The following SLC13A1 variants were observed in gnomAD, a reference collection of about 807,000 sequenced individuals.
SLC13A1 encodes the protein solute carrier family 13 member 1, also known as Na(+)/sulfate cotransporter.
Under a neutral mutation model 70.0 loss-of-function variants are expected in SLC13A1, and 65 were observed. The observed-to-expected ratio is 0.93, with a 90% confidence interval of 0.76 to 1.14. The LOEUF is 1.14. Ranked by LOEUF, SLC13A1 falls within the 50% of genes most tolerant of loss-of-function variation. The pLI is 0.00. For synonymous variants in SLC13A1, 275 were observed against 250.5 expected (o/e 1.10, Z -0.92); for missense variants, 726 against 717.8 (o/e 1.01, Z -0.13).
chr7:123,190,425 C>T (rs1221369414), intron 1 of SLC13A1: 2 of 356,544 alleles, frequency 5.6e-6, no homozygotes, highest in East Asian at 7.7e-5. Flanking sequence ...ATTGTTTAAA[C>T]TCCCTTTATG....
chr7:123,184,639 C>T (rs1383280941), intron 1 of SLC13A1, among the ~76,000 whole-genome samples: 2 of 151,684 alleles, frequency 1.3e-5, no homozygotes, highest in African/African-American at 4.8e-5. Flanking sequence ...CTCTCTCTCT[C>T]CATGTGTGTG....
chr7:123,184,474 T>G (rs540269284), intron 1 of SLC13A1, among the ~76,000 whole-genome samples: 1 of 152,250 alleles, frequency 6.6e-6, no homozygotes, highest in East Asian at 1.9e-4. Context: ...TGAGATCAAC[T>G]TTTTTAGATT....
chr7:123,146,637 C>T (rs1466184380), intron 7 of SLC13A1, among the ~76,000 whole-genome samples: 4 of 152,198 alleles, frequency 2.6e-5, no homozygotes, highest in Non-Finnish European at 2.9e-5. Flanking sequence ...GAATTGTCAT[C>T]ACAGTTCCAA....
At chr7:123,122,273 A>C (rs936665535) in intron 12 of SLC13A1, among the ~76,000 whole-genome samples, 1 of 152,172 alleles carries the variant, frequency 6.6e-6, no homozygotes, top group African/African-American at 2.4e-5. Flanking sequence ...AACCTCCTGG[A>C]AGCCAAAGGG....
intron 2 of SLC13A1, among the ~76,000 whole-genome samples, chr7:123,180,468 T>A (rs1341859346): frequency 1.3e-5 from 2 of 152,106 alleles, no homozygotes; most frequent in African/African-American, 4.8e-5. Context: ...TCTTAGATTG[T>A]ATAGAACAAA....
At chr7:123,169,531 A>G (rs1795194552) in intron 3 of SLC13A1, among the ~76,000 whole-genome samples, 196 bp from the exon 4 acceptor site, 1 of 152,208 alleles carries the variant, frequency 6.6e-6, no homozygotes, top group Non-Finnish European at 1.5e-5. Context: ...CCATATATGT[A>G]AAAGTGGAGT....
chr7:123,127,674 T>C (rs1290085473), intron 10 of SLC13A1, among the ~76,000 whole-genome samples: 1 of 151,976 alleles, frequency 6.6e-6, no homozygotes, highest in Non-Finnish European at 1.5e-5. Flanking sequence ...CCATATTGAC[T>C]TGTGTGGTCA....
chr7:123,197,635 T>A (rs1486895313), intron 1 of SLC13A1, among the ~76,000 whole-genome samples: 4 of 152,120 alleles, frequency 2.6e-5, no homozygotes, highest in African/African-American at 9.7e-5. Context: ...ATACTAGGAA[T>A]AAATCCTCCA....
rs1309978185 is a variant in SLC13A1, at chr7:123,173,968, CTGTT to C, written c.229-2068_229-2065del. 4.6e-3 allele frequency among the ~76,000 whole-genome samples: 543 copies of C among 118,332 alleles called. 4 individuals are homozygous for C. The highest frequency in any genetic ancestry group is 0.014 in the African/African-American group (496 of 36,290). The allele number at this position is 118,332 out of a possible 152,430, so 77.6% of individuals were successfully genotyped here. A position where few individuals can be genotyped will look rare whatever the true frequency, so the allele number is the denominator to read the frequency against. The stretch of plus-strand genomic sequence containing the variant: ...TGCCAGTGCTTCCAGAGTCGGGAAG[CTGTT>C]TTTTTTTTTTTTTTCTCCCTGGTTC... On this transcript the variant is annotated intron_variant, in intron 2 of 14. Transcript: ENST00000194130.
intron 12 of SLC13A1, among the ~76,000 whole-genome samples, chr7:123,120,219 T>TTTAATCTAC (rs1406316771): frequency 2.0e-5 from 3 of 152,106 alleles, no homozygotes; most frequent in Non-Finnish European, 2.9e-5. Flanking sequence ...GGAATCATTT[T>TTTAATCTAC]TTAATCTACT....
intron 1 of SLC13A1, among the ~76,000 whole-genome samples, chr7:123,196,751 T>C (rs1485969763): frequency 1.3e-5 from 2 of 152,124 alleles, no homozygotes; most frequent in Non-Finnish European, 2.9e-5. Context: ...ACTCTTCTGT[T>C]TGGCCTGTCT....
intron 6 of SLC13A1, 38 bp from the exon 7 acceptor site, chr7:123,147,348 T>C (rs778571530): frequency 1.2e-6 from 2 of 1,604,436 alleles, no homozygotes; most frequent in Non-Finnish European, 1.7e-6. Context: ...TGAGAACTGC[T>C]CTATATTTGT....
intron 2 of SLC13A1, among the ~76,000 whole-genome samples, chr7:123,176,575 A>T (rs928658494): frequency 9.2e-5 from 14 of 152,308 alleles, no homozygotes; most frequent in African/African-American, 3.1e-4. Context: ...AGTTGTAAAA[A>T]TTAAATATTA....
In SLC13A1 at chr7:123,172,034, A is replaced by ATGTAGATG. The variant is rs1391189314; in HGVS notation, c.229-138_229-131dup. On this transcript the variant is annotated intron_variant, in intron 2 of 14. Coordinates refer to ENST00000194130, the MANE Select transcript of SLC13A1 (RefSeq NM_022444.4). ...TAATCTTTCCATTTTGTTGAGAAAA[A>ATGTAGATG]TGTAGATGTGTTTGAATACAAATTT... is the stretch of plus-strand genomic sequence containing the variant. The ATGTAGATG allele has an allele frequency of 1.1e-5, 9 of 802,270 alleles. No homozygotes were observed. In the East Asian group the frequency reaches 2.4e-4, roughly 22 times the overall value. 49.7% of individuals were successfully genotyped at this position (802,270 alleles called of 1,614,324 possible). A position where few individuals can be genotyped will look rare whatever the true frequency, so the allele number is the denominator to read the frequency against.
At chr7:123,134,275 T>C (rs1403883143) in intron 8 of SLC13A1, 135 bp downstream of exon 8, 5 of 650,584 alleles carry the variant, frequency 7.7e-6, no homozygotes, top group Non-Finnish European at 1.3e-5. Flanking sequence ...CGTATTTGTG[T>C]GTATTAATTT....
intron 6 of SLC13A1, among the ~76,000 whole-genome samples, chr7:123,157,575 T>C (rs1173751144): frequency 6.6e-6 from 1 of 152,124 alleles, no homozygotes; most frequent in African/African-American, 2.4e-5. Flanking sequence ...AAAGCATATG[T>C]GTATGTGTGT....
chr7:123,149,667 T>C (rs940896497), intron 6 of SLC13A1: 1 of 455,598 alleles, frequency 2.2e-6, no homozygotes. Flanking sequence ...CTTGATATTA[T>C]AGTTACTCAG....
intron 6 of SLC13A1, among the ~76,000 whole-genome samples, chr7:123,166,720 GA>G (rs1795090004): frequency 6.6e-6 from 1 of 152,108 alleles, no homozygotes; most frequent in African/African-American, 2.4e-5. Flanking sequence ...CAAAGGACAT[GA>G]ACTCATTTTT....
At chr7:123,136,390 T>C (rs1446858060) in intron 7 of SLC13A1, among the ~76,000 whole-genome samples, 2 of 152,194 alleles carry the variant, frequency 1.3e-5, no homozygotes, top group Non-Finnish European at 2.9e-5. Context: ...TTTACCCTTA[T>C]ACCTAGAGTG....
Sources: allele counts gnomAD v4.1 joint callset (sites outside exome capture counted in the v4.1 genomes callset), GRCh38; gene constraint gnomAD v4.1.1; transcripts MANE v1.5; gene names NCBI Gene and HGNC (gene_info 2026-07-23, HGNC 2026-07-21).